The following BAZ1B variants were observed in gnomAD, a reference collection of about 807,000 sequenced individuals.
The protein encoded by BAZ1B is tyrosine-protein kinase BAZ1B.
A neutral mutation model predicts 153.8 loss-of-function variants in BAZ1B; 22 were observed. The observed-to-expected ratio is 0.14, with a 90% confidence interval of 0.10 to 0.20. The LOEUF is 0.20. BAZ1B is among the 10% of genes least tolerant of loss of function. BAZ1B has a pLI of 1.00. For missense variants in BAZ1B, 1,325 were observed against 1,799.3 expected, an observed-to-expected ratio of 0.74 and a Z score of 4.77; for synonymous variants, 676 against 633.4, an observed-to-expected ratio of 1.07 and a Z score of -1.01.
intron 13 of BAZ1B, among the ~76,000 whole-genome samples, chr7:73,455,005 G>A (rs572364021): frequency 4.5e-4 from 68 of 151,606 alleles, no homozygotes; most frequent in African/African-American, 1.6e-3. Flanking sequence ...ACAGGCTCGC[G>A]CCACCACACC....
chr7:73,460,891 G>A (rs1358854753), intron 12 of BAZ1B, among the ~76,000 whole-genome samples: 2 of 152,096 alleles, frequency 1.3e-5, no homozygotes, highest in Admixed American at 6.6e-5. Context: ...TGAGGCTGCT[G>A]TCAGCTATGA....
At chr7:73,511,592 C>T (rs1488911690) in intron 1 of BAZ1B, among the ~76,000 whole-genome samples, 3 of 151,650 alleles carry the variant, frequency 2.0e-5, no homozygotes, top group Non-Finnish European at 4.4e-5. Context: ...CTCAATTCAC[C>T]AAAGTTTCAT....
At chr7:73,478,715 A>C in intron 6 of BAZ1B, 146 bp from the exon 7 acceptor site, 1 of 693,126 alleles carries the variant, frequency 1.4e-6, no homozygotes, top group Non-Finnish European at 2.1e-6. Context: ...TCCCTGAAAA[A>C]ACAAAGACAT....
At chr7:73,520,065 C>T (rs1453128258) in intron 1 of BAZ1B, among the ~76,000 whole-genome samples, 2 of 151,938 alleles carry the variant, frequency 1.3e-5, no homozygotes, top group African/African-American at 2.4e-5. Context: ...AAAAGTTAGC[C>T]GGGCGTGGTG....
intron 1 of BAZ1B, among the ~76,000 whole-genome samples, chr7:73,521,370 G>C (rs1791033826): frequency 6.6e-6 from 1 of 152,144 alleles, no homozygotes; most frequent in East Asian, 1.9e-4. Context: ...TGCACACGCC[G>C]CATCACGAGG....
chr7:73,506,580 G>A (rs1432275396), intron 3 of BAZ1B, among the ~76,000 whole-genome samples: 1 of 151,534 alleles, frequency 6.6e-6, no homozygotes, highest in Non-Finnish European at 1.5e-5. Flanking sequence ...GAGGCCGGGC[G>A]CAGTGACTCA....
At chr7:73,498,262 G>A (rs1554576616) in intron 4 of BAZ1B, among the ~76,000 whole-genome samples, 1 of 152,032 alleles carries the variant, frequency 6.6e-6, no homozygotes, top group African/African-American at 2.4e-5. Context: ...ACCCAGCCCT[G>A]CATAGAGCTT....
At chr7:73,489,665 C>T (rs1264506968) in intron 5 of BAZ1B, among the ~76,000 whole-genome samples, 1 of 152,096 alleles carries the variant, frequency 6.6e-6, no homozygotes, top group Non-Finnish European at 1.5e-5. Flanking sequence ...AATCAAAATA[C>T]GCCAATAGTC....
chr7:73,452,334 AG>A (rs782458579), intron 13 of BAZ1B, among the ~76,000 whole-genome samples: 2 of 152,152 alleles, frequency 1.3e-5, no homozygotes, highest in African/African-American at 2.4e-5. Context: ...TCCATTCATC[AG>A]CTGACAGTTA....
Position 73,510,759 on chromosome 7 carries a change from C to T in BAZ1B, c.201G>A (p.Glu67=), listed in dbSNP as rs1790544895. ...SSQLTHKEAW[E]EEQEVAELLK... The stretch of plus-strand genomic sequence containing the variant: ...ACAGCTCAGCAACTTCCTGTTCTTC[C>T]TCCCAGGCTTCCTTGTGTGTTAGCT... Residue 67 remains glutamate, a synonymous_variant, in exon 2 of 20, where the codon GAG becomes GAA. Transcript: ENST00000339594. 4 of 1,614,122 alleles carry T rather than the reference C, an allele frequency of 2.5e-6. No individual in the cohort carries two copies. The highest frequency in any genetic ancestry group is 3.4e-6 in the Non-Finnish European group (4 of 1,180,000).
At chr7:73,491,552 T>C (rs543494282) in intron 5 of BAZ1B, among the ~76,000 whole-genome samples, 12 of 151,936 alleles carry the variant, frequency 7.9e-5, no homozygotes, top group Admixed American at 3.3e-4. Flanking sequence ...TGAGCCGAGA[T>C]TGCGCCATTG....
At chr7:73,464,156 G>A (rs949044692) in intron 11 of BAZ1B, 8 of 984,916 alleles carry the variant, frequency 8.1e-6, no homozygotes, top group Non-Finnish European at 9.6e-6. Context: ...ATGGTGTAGA[G>A]TATGTACTGA....
In BAZ1B at chr7:73,498,781, A is replaced by G. The variant is rs937980942; in HGVS notation, c.370-83T>C. On this transcript the variant is annotated intron_variant, in intron 3 of 19. Coordinates refer to ENST00000339594, the MANE Select transcript of BAZ1B (RefSeq NM_032408.4). ...GTTTAGAACATATCATCCAATATAC[A>G]TGCCTCCTCAACTAACAAAAGGTGA... The G allele has an allele frequency of 2.3e-5, 27 of 1,165,096 alleles. No homozygotes were observed. In the African/African-American group the frequency reaches 3.8e-4, roughly 17 times the overall value. The allele number at this position is 1,165,096 out of a possible 1,614,324, so 72.2% of individuals were successfully genotyped here. A position where few individuals can be genotyped will look rare whatever the true frequency, so the allele number is the denominator to read the frequency against.
chr7:73,489,535 C>T, intron 5 of BAZ1B, 144 bp from the exon 6 acceptor site: 3 of 808,078 alleles, frequency 3.7e-6, no homozygotes, highest in East Asian at 2.7e-5. Context: ...AATATATAGG[C>T]CAGGGATGGT....
At chr7:73,505,059 T>C (rs1158719272) in intron 3 of BAZ1B, among the ~76,000 whole-genome samples, 2 of 152,166 alleles carry the variant, frequency 1.3e-5, no homozygotes, top group African/African-American at 4.8e-5. Context: ...CTCTTCTCTC[T>C]TGCCAGCCTG....
intron 7 of BAZ1B, among the ~76,000 whole-genome samples, chr7:73,473,088 T>C (rs1188833579): frequency 6.6e-5 from 10 of 152,088 alleles, no homozygotes; most frequent in Admixed American, 6.5e-4. Context: ...ATTACAGGCA[T>C]GCGCCACCAT....
chr7:73,479,480 C>CCT (rs1789118358), intron 6 of BAZ1B, among the ~76,000 whole-genome samples: 1 of 148,612 alleles, frequency 6.7e-6, no homozygotes, highest in South Asian at 2.1e-4. Context: ...TGCACTCCAG[C>CCT]CTGGAGGACA....
intron 1 of BAZ1B, among the ~76,000 whole-genome samples, chr7:73,511,327 T>G (rs1790570313): frequency 6.6e-6 from 1 of 151,758 alleles, no homozygotes; most frequent in Non-Finnish European, 1.5e-5. Context: ...GCAAGATGAC[T>G]AAGACTGAAG....
At chr7:73,516,105 C>A (rs1386293826) in intron 1 of BAZ1B, among the ~76,000 whole-genome samples, 4 of 152,116 alleles carry the variant, frequency 2.6e-5, no homozygotes, top group Admixed American at 1.3e-4. Context: ...CGAGATGGCA[C>A]CACTGTACTC....
Sources: gnomAD v4.1 joint callset for allele counts (sites outside exome capture counted in the v4.1 genomes callset) on GRCh38, gnomAD v4.1.1 for gene constraint, MANE v1.5 for transcripts, NCBI Gene and HGNC (gene_info 2026-07-23, HGNC 2026-07-21) for gene names.